Variants in MAST4 observed in about 807,000 individuals in gnomAD.
MAST4 encodes microtubule associated serine/threonine kinase family member 4.
A neutral mutation model predicts 162.7 loss-of-function variants in MAST4; 89 were observed. The observed-to-expected ratio is 0.55, with a 90% confidence interval of 0.46 to 0.65. The LOEUF (loss-of-function observed/expected upper bound fraction) is 0.65. Among genes scored for constraint, MAST4 ranks in the 30% least tolerant of loss-of-function variants. The probability of loss-of-function intolerance (pLI) is 0.00; values close to 1 mark genes in which losing one functional copy is unlikely to be tolerated. For missense variants in MAST4, 3,153 were observed against 3,374.0 expected (o/e 0.93, Z 1.62); for synonymous variants, 1,479 against 1,361.1 (o/e 1.09, Z -1.91).
intron 3 of MAST4, among the ~76,000 whole-genome samples, chr5:66,812,696 T>TA (rs1158086417): frequency 6.6e-6 from 1 of 152,144 alleles, no homozygotes; most frequent in Non-Finnish European, 1.5e-5. Context: ...TAAAAGGCTG[T>TA]GGTTTGCTTA....
chr5:66,868,394 A>G (rs1760681082), intron 3 of MAST4, among the ~76,000 whole-genome samples: 1 of 151,608 alleles, frequency 6.6e-6, no homozygotes, highest in Non-Finnish European at 1.5e-5. Flanking sequence ...TCACCAAACT[A>G]ACATATATAT....
intron 6 of MAST4, among the ~76,000 whole-genome samples, chr5:67,094,887 T>C (rs1764265350): frequency 6.6e-6 from 1 of 152,164 alleles, no homozygotes; most frequent in Non-Finnish European, 1.5e-5. Flanking sequence ...TTGCATTAAG[T>C]TCTATCACTG....
intron 3 of MAST4, among the ~76,000 whole-genome samples, chr5:66,822,300 C>T (rs1418345569): frequency 6.6e-6 from 1 of 152,070 alleles, no homozygotes; most frequent in African/African-American, 2.4e-5. Flanking sequence ...GTCATTTCAC[C>T]TAAAAGGAAA....
At chr5:67,042,200 C>T (rs1443992900) in intron 4 of MAST4, among the ~76,000 whole-genome samples, 1 of 152,138 alleles carries the variant, frequency 6.6e-6, no homozygotes, top group East Asian at 1.9e-4. Flanking sequence ...CACTTAACCT[C>T]CCTTCTTAGG....
At chr5:67,024,355 ACATATAGATAG>A (rs1754367557) in intron 4 of MAST4, among the ~76,000 whole-genome samples, 1 of 123,770 alleles carries the variant, frequency 8.1e-6, no homozygotes, top group Non-Finnish European at 1.5e-5. Flanking sequence ...ACACACACAT[ACATATAGATAG>A]CTATATATGT....
chr5:66,924,939 T>C (rs1764786747), intron 4 of MAST4, among the ~76,000 whole-genome samples: 1 of 152,218 alleles, frequency 6.6e-6, no homozygotes, highest in Non-Finnish European at 1.5e-5. Context: ...CATTTTATTT[T>C]ACTGTGAAAA....
At chr5:67,072,266 G>T (rs542108812) in intron 5 of MAST4, among the ~76,000 whole-genome samples, 2 of 152,170 alleles carry the variant, frequency 1.3e-5, no homozygotes, top group African/African-American at 2.4e-5. Flanking sequence ...GTGCTGATTA[G>T]TTTAATATTA....
chr5:67,148,899 G>GA (rs1474019453), intron 23 of MAST4, among the ~76,000 whole-genome samples: 3 of 152,104 alleles, frequency 2.0e-5, no homozygotes, highest in Non-Finnish European at 4.4e-5. Flanking sequence ...AGGGAGTGAT[G>GA]AAAAAATGTC....
At position 67,164,506 on chromosome 5, in the gene MAST4, C is replaced by T; in HGVS notation, c.5327C>T (p.Ala1776Val). Reference sequence around the variant, plus strand: ...GGAACGGAGAAGCCTGGCTTGGTTGCTCCTGAGTCCCCTGTTAGGAAGAGC... The same window carrying T: ...GGAACGGAGAAGCCTGGCTTGGTTGTTCCTGAGTCCCCTGTTAGGAAGAGC... ...DSGTEKPGLV[A>V]PESPVRKSPS... Residue 1776 changes from alanine to valine, a missense_variant, in exon 29 of 29, where the codon GCT becomes GTT. Ala to Val is a moderately conservative substitution (Grantham distance 64). Around this residue, in one of 7 missense-constraint regions of MAST4, gnomAD observed 1,644 missense variants for 1,495.0 expected, o/e 1.10. Transcript: ENST00000403625. This position sits in a 1 kb window ranked among gnomAD's most constrained non-coding sequence, Gnocchi z 5.3. 6.2e-7 allele frequency: 1 copy of T among 1,614,010 alleles called. No individual in the cohort carries two copies.
intron 1 of MAST4, among the ~76,000 whole-genome samples, chr5:66,637,997 C>T (rs774237266): frequency 2.0e-5 from 3 of 152,164 alleles, no homozygotes; most frequent in South Asian, 2.1e-4. Context: ...GCCACCATGC[C>T]GAGCCTTTTG....
intron 1 of MAST4, among the ~76,000 whole-genome samples, chr5:66,667,561 T>A (rs1451402970): frequency 1.3e-5 from 2 of 152,202 alleles, no homozygotes; most frequent in Non-Finnish European, 2.9e-5. Flanking sequence ...TGCAGTGATA[T>A]CCACTTAGCA....
intron 4 of MAST4, among the ~76,000 whole-genome samples, chr5:67,032,094 T>C (rs1184720346): frequency 1.3e-5 from 2 of 152,168 alleles, no homozygotes; most frequent in Non-Finnish European, 2.9e-5. Context: ...TATAGATTCT[T>C]TCAGAATGTT....
intron 26 of MAST4, among the ~76,000 whole-genome samples, chr5:67,158,723 T>G (rs1438697993): frequency 2.0e-5 from 3 of 152,196 alleles, no homozygotes; most frequent in Non-Finnish European, 4.4e-5. Context: ...AACATCAAAC[T>G]GTGTAAGAAT....
chr5:67,157,044 T>A (rs182049470), intron 26 of MAST4, among the ~76,000 whole-genome samples: 119 of 152,346 alleles, frequency 7.8e-4, no homozygotes, highest in African/African-American at 2.8e-3. Context: ...TTTAAACAAG[T>A]GCTACAGAAA....
At chr5:66,839,561 A>T (rs1048648665) in intron 3 of MAST4, among the ~76,000 whole-genome samples, 1 of 152,142 alleles carries the variant, frequency 6.6e-6, no homozygotes, top group African/African-American at 2.4e-5. Flanking sequence ...CCTTGAAAAT[A>T]ATATGTCCAG....
At chr5:67,028,168 A>G (rs377048358) in intron 4 of MAST4, among the ~76,000 whole-genome samples, 31,883 of 151,962 alleles carry the variant, frequency 0.21, 3,664 homozygotes, top group Non-Finnish European at 0.26. Context: ...CATCCAGGAG[A>G]CACACAACAA....
intron 14 of MAST4, among the ~76,000 whole-genome samples, chr5:67,123,750 A>G (rs1046034217): frequency 1.3e-5 from 2 of 152,236 alleles, no homozygotes; most frequent in Admixed American, 6.5e-5. Context: ...TAAAATTTTT[A>G]AAAGTAAAAA....
intron 3 of MAST4, among the ~76,000 whole-genome samples, chr5:66,852,182 C>T (rs2149814648): frequency 6.6e-6 from 1 of 152,306 alleles, no homozygotes; most frequent in East Asian, 1.9e-4. Flanking sequence ...AGGTCTCACT[C>T]TGTCACCCAG....
At chr5:66,838,898 C>G (rs943927519) in intron 3 of MAST4, among the ~76,000 whole-genome samples, 1 of 152,122 alleles carries the variant, frequency 6.6e-6, no homozygotes, top group Admixed American at 6.6e-5. Context: ...CAATAGGAAG[C>G]CATTGAAAGA....
Sources: allele counts gnomAD v4.1 joint callset (sites outside exome capture counted in the v4.1 genomes callset), GRCh38; gene constraint gnomAD v4.1.1; regional missense constraint gnomAD v4.1.1; non-coding constraint Gnocchi (gnomAD v3.1); transcripts MANE v1.5; gene names NCBI Gene and HGNC (gene_info 2026-07-23, HGNC 2026-07-21).